Variants in AGBL1 observed in about 807,000 individuals in gnomAD.
The protein encoded by AGBL1 is AGBL carboxypeptidase 1, also known as cytosolic carboxypeptidase 4.
A neutral mutation model predicts 118.9 loss-of-function variants in AGBL1; 130 were observed. The ratio of observed to expected loss-of-function variants is 1.09; its 90% CI spans 0.95 to 1.26. The LOEUF (loss-of-function observed/expected upper bound fraction) is 1.26. AGBL1 is among the 50% of genes most tolerant of loss of function. The pLI is 0.00. For missense variants in AGBL1, 1,584 were observed against 1,298.1 expected (o/e 1.22, Z -3.38); for synonymous variants, 555 against 478.9 (o/e 1.16, Z -2.08).
chr15:86,268,688 C>T (rs148284465), intron 13 of AGBL1, among the ~76,000 whole-genome samples: 149 of 152,222 alleles, frequency 9.8e-4, no homozygotes, highest in African/African-American at 3.3e-3. Flanking sequence ...CAGAATTGTT[C>T]TTGTGAGTGC....
At chr15:86,398,226 T>C (rs1159741) in intron 18 of AGBL1, among the ~76,000 whole-genome samples, 16,707 of 152,156 alleles carry the variant, frequency 0.11, 1,139 homozygotes, top group African/African-American at 0.19. Flanking sequence ...TGGTGAGCTC[T>C]GTTGAAATGG....
At chr15:86,232,823 A>T (rs1374843436) in intron 6 of AGBL1, among the ~76,000 whole-genome samples, 1 of 152,150 alleles carries the variant, frequency 6.6e-6, no homozygotes, top group Non-Finnish European at 1.5e-5. Context: ...CCCGCCCTGC[A>T]TGTAGCCCTC....
intron 17 of AGBL1, among the ~76,000 whole-genome samples, chr15:86,366,090 G>T (rs1596021695): frequency 6.6e-6 from 1 of 152,106 alleles, no homozygotes; most frequent in African/African-American, 2.4e-5. Context: ...ACTTGCTCAG[G>T]TTCTTTATTA....
At chr15:86,083,020 G>A (rs1895389784) in intron 1 of AGBL1, among the ~76,000 whole-genome samples, 1 of 152,218 alleles carries the variant, frequency 6.6e-6, no homozygotes, top group African/African-American at 2.4e-5. Flanking sequence ...TAGCATTTCT[G>A]TGAGGATTAA....
intron 23 of AGBL1, among the ~76,000 whole-genome samples, chr15:86,922,779 G>A (rs751667180): frequency 2.7e-4 from 41 of 152,140 alleles, no homozygotes; most frequent in Admixed American, 2.0e-4. Context: ...AAACAATCCA[G>A]GTGGAAAAGA....
intron 22 of AGBL1, among the ~76,000 whole-genome samples, chr15:86,692,944 CT>C: frequency 6.6e-6 from 1 of 152,192 alleles, no homozygotes; most frequent in South Asian, 2.1e-4. Flanking sequence ...TAATTTGTTC[CT>C]TTTTATGGCT....
chr15:86,786,891 T>C (rs903596112), intron 22 of AGBL1, among the ~76,000 whole-genome samples: 21 of 152,260 alleles, frequency 1.4e-4, no homozygotes, highest in African/African-American at 4.6e-4. Context: ...GTTTTGCCAG[T>C]ATGGAGAGTG....
intron 17 of AGBL1, among the ~76,000 whole-genome samples, chr15:86,392,854 A>G (rs1030480991): frequency 2.0e-5 from 3 of 152,182 alleles, no homozygotes; most frequent in African/African-American, 7.2e-5. Context: ...AAATAAATGC[A>G]AATATCTGGC....
chr15:86,881,338 C>T (rs564866860), intron 22 of AGBL1, among the ~76,000 whole-genome samples: 14 of 152,286 alleles, frequency 9.2e-5, no homozygotes, highest in African/African-American at 3.1e-4. Context: ...TGCAAACCTC[C>T]ACATCCTCCT....
chr15:86,937,958 G>C (rs148829916), intron 23 of AGBL1, among the ~76,000 whole-genome samples: 8 of 152,316 alleles, frequency 5.3e-5, no homozygotes, highest in African/African-American at 1.9e-4. Context: ...ATACAGCTAA[G>C]GGAAGCAGAG....
chr15:86,917,233 A>G (rs1366709280), downstream of AGBL1, among the ~76,000 whole-genome samples: 1 of 151,694 alleles, frequency 6.6e-6, no homozygotes, highest in Non-Finnish European at 1.5e-5. The surrounding 1 kb of genome is among the most constrained non-coding windows in gnomAD (Gnocchi z 4.8). Flanking sequence ...TGGTCCACCC[A>G]CTCCTCACTG....
chr15:86,746,379 G>T (rs182337699), intron 22 of AGBL1, among the ~76,000 whole-genome samples: 1 of 152,024 alleles, frequency 6.6e-6, no homozygotes, highest in African/African-American at 2.4e-5. Context: ...TGTATGTCTG[G>T]CCCAAGTCCT....
chr15:86,764,794 G>C (rs1567163014), intron 22 of AGBL1, among the ~76,000 whole-genome samples: 1 of 152,016 alleles, frequency 6.6e-6, no homozygotes, highest in Non-Finnish European at 1.5e-5. Flanking sequence ...TCTTGGGCGT[G>C]AACATTAAAA....
intron 22 of AGBL1, among the ~76,000 whole-genome samples, chr15:86,856,864 A>G (rs916609417): frequency 6.6e-6 from 1 of 152,210 alleles, no homozygotes; most frequent in Non-Finnish European, 1.5e-5. Context: ...TGACTTTGCA[A>G]ATGAAGCAAA....
intron 19 of AGBL1, among the ~76,000 whole-genome samples, chr15:86,542,949 A>C (rs1220636714): frequency 6.6e-6 from 1 of 151,860 alleles, no homozygotes; most frequent in African/African-American, 2.4e-5. Context: ...AATATATTTG[A>C]TCTTTCTTAT....
At chr15:86,247,230 A>G (rs1432148383) in intron 6 of AGBL1, among the ~76,000 whole-genome samples, 1 of 152,172 alleles carries the variant, frequency 6.6e-6, no homozygotes, top group Admixed American at 6.5e-5. Flanking sequence ...TTAAACTATA[A>G]TTACTTATTA....
intron 6 of AGBL1, among the ~76,000 whole-genome samples, chr15:86,236,952 C>CGGGG (rs1398987301): frequency 0.061 from 610 of 10,012 alleles, 24 homozygotes; most frequent in Middle Eastern, 0.21. Flanking sequence ...CGGGGGGGGG[C>CGGGG]GGGGGGGCGC....
At chr15:86,573,467 T>A in intron 21 of AGBL1, among the ~76,000 whole-genome samples, 1 of 152,180 alleles carries the variant, frequency 6.6e-6, no homozygotes, top group Non-Finnish European at 1.5e-5. Flanking sequence ...TGGTTGTGTA[T>A]GTGTGTGTGT....
intron 18 of AGBL1, among the ~76,000 whole-genome samples, chr15:86,476,171 A>T (rs1026417895): frequency 6.6e-6 from 1 of 152,242 alleles, no homozygotes; most frequent in South Asian, 2.1e-4. Flanking sequence ...AACTGCATCA[A>T]CTAATGAGCA....
Sources: gnomAD v4.1 joint callset for allele counts (sites outside exome capture counted in the v4.1 genomes callset) on GRCh38, gnomAD v4.1.1 for gene constraint, Gnocchi (gnomAD v3.1) non-coding constraint, MANE v1.5 for transcripts, NCBI Gene and HGNC (gene_info 2026-07-23, HGNC 2026-07-21) for gene names.